The following RNU5E-1 variants were observed in gnomAD, a reference collection of about 807,000 sequenced individuals.
The protein encoded by RNU5E-1 is RNA, U5E small nuclear 1.
At chr1:11,908,159 G>GT (rs1645392263) in exon 1 of RNU5E-1, 1 of 152,052 alleles carries the variant, frequency 6.6e-6, no homozygotes, top group South Asian at 2.1e-4. Context: ...GTTATACTCT[G>GT]GTTTCTCTTC....
chr1:11,908,166 C>G (rs181477068), exon 1 of RNU5E-1: 12 of 152,270 alleles, frequency 7.9e-5, no homozygotes, highest in Admixed American at 3.3e-4. Context: ...TCTGGTTTCT[C>G]TTCAAATCGT....
chr1:11,908,240 T>G (rs150527762), exon 1 of RNU5E-1: 3 of 141,552 alleles, frequency 2.1e-5, no homozygotes, highest in Admixed American at 7.1e-5. Flanking sequence ...CTGAAACCAA[T>G]TTTTTGAGGC....
At chr1:11,908,217 A>T (rs753096859) in exon 1 of RNU5E-1, 1 of 152,084 alleles carries the variant, frequency 6.6e-6, no homozygotes, top group Non-Finnish European at 1.5e-5. Flanking sequence ...CGTGGAGAGA[A>T]ACGAGTGTGA....
chr1:11,908,243 T>A (rs548037540), exon 1 of RNU5E-1: 1 of 139,394 alleles, frequency 7.2e-6, no homozygotes, highest in South Asian at 2.5e-4. Context: ...AAACCAATTT[T>A]TTGAGGCCTT....
chr1:11,908,157 C>G (rs553951985), exon 1 of RNU5E-1: 18 of 152,148 alleles, frequency 1.2e-4, no homozygotes, highest in East Asian at 3.8e-4. Flanking sequence ...ATGTTATACT[C>G]TGGTTTCTCT....
exon 1 of RNU5E-1, chr1:11,908,182 T>A (rs944553736): frequency 6.6e-6 from 1 of 152,200 alleles, no homozygotes; most frequent in Non-Finnish European, 1.5e-5. Flanking sequence ...ATCGTATAAA[T>A]CTTTCGCCTT....
rs1279068275 is a variant in RNU5E-1, at chr1:11,908,215, G to GT, written n.64_65insT. On this transcript the variant is annotated non_coding_transcript_exon_variant, in exon 1 of 1. Coordinates refer to ENST00000362477, the Ensembl canonical transcript of RNU5E-1. Reference sequence around the variant, plus strand: ...CTTTTACTAAAGATTTCCGTGGAGAGAAACGAGTGTGAGTCTGAAACCAAT... The same window carrying GT: ...CTTTTACTAAAGATTTCCGTGGAGAGTAAACGAGTGTGAGTCTGAAACCAAT... 1.1e-4 allele frequency: 16 copies of GT among 152,178 alleles called. No individual in the cohort carries two copies. In the East Asian group the frequency reaches 1.2e-3, roughly 11 times the overall value. 9.4% of individuals were successfully genotyped at this position (152,178 alleles called of 1,614,324 possible).
exon 1 of RNU5E-1, chr1:11,908,181 A>G (rs556422980): frequency 2.7e-4 from 41 of 152,274 alleles, no homozygotes; most frequent in East Asian, 3.9e-4. Context: ...AATCGTATAA[A>G]TCTTTCGCCT....
At chr1:11,908,226 G>C (rs552533347) in exon 1 of RNU5E-1, 2 of 151,552 alleles carry the variant, frequency 1.3e-5, no homozygotes, top group East Asian at 3.9e-4. Flanking sequence ...AAACGAGTGT[G>C]AGTCTGAAAC....
chr1:11,908,241 T>G (rs966088486), exon 1 of RNU5E-1: 4 of 140,996 alleles, frequency 2.8e-5, no homozygotes, highest in African/African-American at 4.9e-5. Flanking sequence ...TGAAACCAAT[T>G]TTTTGAGGCC....
At chr1:11,908,169 C>G (rs186581960) in exon 1 of RNU5E-1, 3 of 152,142 alleles carry the variant, frequency 2.0e-5, no homozygotes, top group Non-Finnish European at 4.4e-5. Context: ...GGTTTCTCTT[C>G]AAATCGTATA....
exon 1 of RNU5E-1, chr1:11,908,268 G>C (rs556865665): frequency 1.3e-4 from 20 of 152,098 alleles, no homozygotes; most frequent in African/African-American, 2.4e-4. Context: ...TTCTTAGCAG[G>C]GCTTATTTTA....
At chr1:11,908,206 C>G (rs376337331) in exon 1 of RNU5E-1, 1 of 152,132 alleles carries the variant, frequency 6.6e-6, no homozygotes. Context: ...CTAAAGATTT[C>G]CGTGGAGAGA....
exon 1 of RNU5E-1, chr1:11,908,267 G>A (rs184469195): frequency 3.0e-4 from 45 of 152,184 alleles, no homozygotes; most frequent in Admixed American, 6.5e-4. Flanking sequence ...TTTCTTAGCA[G>A]GGCTTATTTT....
At chr1:11,908,239 A>T (rs546193029) in exon 1 of RNU5E-1, 3 of 142,794 alleles carry the variant, frequency 2.1e-5, no homozygotes, top group Admixed American at 1.4e-4. Context: ...TCTGAAACCA[A>T]TTTTTTGAGG....
exon 1 of RNU5E-1, chr1:11,908,246 G>GC (rs201414281): frequency 9.5e-4 from 131 of 137,806 alleles, no homozygotes; most frequent in African/African-American, 2.6e-3. Context: ...CCAATTTTTT[G>GC]AGGCCTTGCG....
At chr1:11,908,249 G>C (rs909024549) in exon 1 of RNU5E-1, 2 of 135,744 alleles carry the variant, frequency 1.5e-5, no homozygotes, top group South Asian at 2.6e-4. Context: ...ATTTTTTGAG[G>C]CCTTGCGTTT....
chr1:11,908,225 T>C (rs981393777), exon 1 of RNU5E-1: 8 of 151,632 alleles, frequency 5.3e-5, no homozygotes, highest in South Asian at 2.1e-4. Context: ...GAAACGAGTG[T>C]GAGTCTGAAA....
exon 1 of RNU5E-1, chr1:11,908,255 C>CT (rs1645395318): frequency 1.5e-5 from 2 of 135,410 alleles, no homozygotes; most frequent in African/African-American, 2.5e-5. Flanking sequence ...TGAGGCCTTG[C>CT]GTTTCTTAGC....
Sources: allele counts gnomAD v4.1 joint callset, GRCh38; gene constraint gnomAD v4.1.1; transcripts MANE v1.5; gene names NCBI Gene and HGNC (gene_info 2026-07-23, HGNC 2026-07-21).